Variants in CDH8 observed in about 807,000 individuals in gnomAD.
CDH8 encodes the protein cadherin-8.
Under a neutral mutation model 68.1 loss-of-function variants are expected in CDH8, and 17 were observed. The observed-to-expected ratio is 0.25, with a 90% CI of 0.17 to 0.37. The LOEUF is 0.37. Among genes scored for constraint, CDH8 ranks in the 10% least tolerant of loss-of-function variants. The pLI is 1.00. For missense variants in CDH8, 763 were observed against 999.3 expected (o/e 0.76, Z 3.19); for synonymous variants, 372 against 365.1 (o/e 1.02, Z -0.21).
Position 61,653,542 on chromosome 16 carries a change from T to C in CDH8, c.*66A>G, listed in dbSNP as rs1202424542. 2.6e-6 allele frequency: 4 copies of C among 1,525,748 alleles called. No individual in the cohort carries two copies. The highest frequency in any genetic ancestry group is 4.5e-5 in the East Asian group (2 of 44,174). The allele number at this position is 1,525,748 out of a possible 1,614,324, so 94.5% of individuals were successfully genotyped here. ...AAAACAAATAGCCACATTGGTTGTA[T>C]CTAAGGGGAGTGACCCTAGAATATT... On this transcript the variant is annotated 3_prime_UTR_variant, in exon 12 of 12. Coordinates refer to ENST00000577390, the MANE Select transcript of CDH8 (RefSeq NM_001796.5).
chr16:61,968,180 T>G (rs1302082334), intron 2 of CDH8, among the ~76,000 whole-genome samples: 1 of 152,194 alleles, frequency 6.6e-6, no homozygotes, highest in African/African-American at 2.4e-5. Flanking sequence ...TTATGCAAAT[T>G]CCTGTGATCC....
intron 3 of CDH8, among the ~76,000 whole-genome samples, chr16:61,886,321 G>A (rs771873978): frequency 1.8e-4 from 28 of 152,072 alleles, no homozygotes; most frequent in Admixed American, 5.9e-4. Flanking sequence ...TATAATCTGT[G>A]TGGATATAAA....
intron 2 of CDH8, among the ~76,000 whole-genome samples, chr16:62,018,291 C>T (rs79094707): frequency 0.013 from 1,976 of 152,278 alleles, 42 homozygotes; most frequent in African/African-American, 0.045. Flanking sequence ...AAGAACCTAT[C>T]GCTCAAAAAC....
intron 10 of CDH8, among the ~76,000 whole-genome samples, chr16:61,674,069 T>C (rs1287319944): frequency 6.6e-6 from 1 of 152,102 alleles, no homozygotes; most frequent in Non-Finnish European, 1.5e-5. Context: ...GGTTTGACTA[T>C]GTAAAGCAGA....
At chr16:62,010,387 G>A (rs1161740201) in intron 2 of CDH8, among the ~76,000 whole-genome samples, 1 of 152,116 alleles carries the variant, frequency 6.6e-6, no homozygotes, top group Non-Finnish European at 1.5e-5. Flanking sequence ...TTGCCATGGT[G>A]ACAGGAACAA....
intron 2 of CDH8, among the ~76,000 whole-genome samples, chr16:61,903,856 A>G (rs1256365294): frequency 6.6e-6 from 1 of 152,204 alleles, no homozygotes; most frequent in Non-Finnish European, 1.5e-5. Flanking sequence ...GTCATATGCA[A>G]CTATCTGAAA....
chr16:61,647,816 G>A lies in CDH8; in HGVS notation c.*5792C>T, dbSNP rs1171885140. The A allele has an allele frequency of 2.9e-6, 2 of 699,772 alleles. No homozygotes were observed. Among genetic ancestry groups the A allele is most frequent in the Non-Finnish European group, 5.2e-6 (2 of 382,930 alleles). 43.3% of individuals were successfully genotyped at this position (699,772 alleles called of 1,614,324 possible). On this transcript the variant is annotated 3_prime_UTR_variant, in exon 12 of 12. Coordinates refer to ENST00000577390, the MANE Select transcript of CDH8 (RefSeq NM_001796.5). Reference sequence around the variant, plus strand: ...GGTCCTGACCTCTGAGTTCATTGAAGCCATGGTTTTCCACAGTCTTTCTCT... The same window carrying A: ...GGTCCTGACCTCTGAGTTCATTGAAACCATGGTTTTCCACAGTCTTTCTCT...
rs1965066842 is a variant in CDH8 at position 61,959,982 on chromosome 16, G to GTGTATATATATATATATATA, written c.253-58529_253-58510dup. Among the ~76,000 whole-genome samples the GTGTATATATATATATATATA allele has an allele frequency of 9.7e-5, 3 of 31,070 alleles. 1 individual carries two copies. The highest frequency in any genetic ancestry group is 1.9e-4 in the African/African-American group (2 of 10,310). 20.4% of individuals were successfully genotyped at this position (31,070 alleles called of 152,430 possible). On this transcript the variant is annotated intron_variant, in intron 2 of 11. Transcript: ENST00000577390. ...CTGTATGTGGTGTATGTGTGTGTGT[G>GTGTATATATATATATATATA]TGTATATATATATATATATATATAT...
At chr16:61,676,417 G>T (rs1178142479) in intron 10 of CDH8, among the ~76,000 whole-genome samples, 4 of 151,870 alleles carry the variant, frequency 2.6e-5, no homozygotes, top group Admixed American at 2.6e-4. Flanking sequence ...CACTAAAAAT[G>T]ATATTAACAT....
chr16:61,918,680 C>T (rs931389135), intron 2 of CDH8: 5 of 159,354 alleles, frequency 3.1e-5, no homozygotes, highest in South Asian at 1.9e-4. Context: ...CACGGAGTCT[C>T]CCTGGTTGCT....
At chr16:61,953,214 T>C (rs959412861) in intron 2 of CDH8, among the ~76,000 whole-genome samples, 4 of 152,146 alleles carry the variant, frequency 2.6e-5, no homozygotes, top group Non-Finnish European at 4.4e-5. Context: ...CCAGGCAGCC[T>C]GAACTGAATG....
Position 61,852,881 on chromosome 16 carries a change from CCTTCCTTCCTTCCATT to C in CDH8, c.667+4222_667+4237del, listed in dbSNP as rs1295661097. On this transcript the variant is annotated intron_variant, in intron 4 of 11. Transcript: ENST00000577390. ...TCCTTCCTTCCTTCCTTCCTTCCTT[CCTTCCTTCCTTCCATT>C]CTTCCTTCCTTCCTTCCTTCCTTCC... Among the ~76,000 whole-genome samples, 48 of 134,748 alleles carry C rather than the reference CCTTCCTTCCTTCCATT, an allele frequency of 3.6e-4. 1 individual carries two copies. The highest frequency in any genetic ancestry group is 1.4e-3 in the African/African-American group (44 of 30,966). The allele number at this position is 134,748 out of a possible 152,430, so 88.4% of individuals were successfully genotyped here. A position where few individuals can be genotyped will look rare whatever the true frequency, so the allele number is the denominator to read the frequency against.
At chr16:61,743,020 A>G (rs1243872676) in intron 8 of CDH8, 1 of 152,244 alleles carries the variant, frequency 6.6e-6, no homozygotes, top group East Asian at 1.9e-4. Context: ...CTCTATCACA[A>G]TACATTTTAA....
At chr16:61,954,409 G>A (rs935189807) in intron 2 of CDH8, among the ~76,000 whole-genome samples, 5 of 151,982 alleles carry the variant, frequency 3.3e-5, no homozygotes, top group East Asian at 1.9e-4. Context: ...CTTTGTATCC[G>A]TAGAACCTAC....
chr16:61,794,717 T>C (rs900850183), intron 7 of CDH8, among the ~76,000 whole-genome samples: 2 of 152,052 alleles, frequency 1.3e-5, no homozygotes, highest in African/African-American at 4.8e-5. Flanking sequence ...GGAGAATAAA[T>C]AGGAACCGAT....
Position 61,773,283 on chromosome 16 carries a change from C to T in CDH8, c.1414+16063G>A, listed in dbSNP as rs77952726. ...AGTGGAAGAATCTCACCCTACTCCACACTACATACATGATTTTTTTGTGTG... is the reference window on the plus strand; with the variant it reads ...AGTGGAAGAATCTCACCCTACTCCATACTACATACATGATTTTTTTGTGTG... On this transcript the variant is annotated intron_variant, in intron 8 of 11. Transcript: ENST00000577390. Among the ~76,000 whole-genome samples, 211 of 152,182 alleles carry T rather than the reference C, an allele frequency of 1.4e-3. 7 individuals are homozygous for T. In the East Asian group the frequency reaches 0.035, roughly 25 times the overall value.
At chr16:61,929,693 C>T (rs889338216) in intron 2 of CDH8, among the ~76,000 whole-genome samples, 3 of 152,042 alleles carry the variant, frequency 2.0e-5, no homozygotes, top group Non-Finnish European at 4.4e-5. Context: ...TGGAGACCAG[C>T]CTGGGCAACA....
At chr16:62,008,867 C>T (rs1901734093) in intron 2 of CDH8, among the ~76,000 whole-genome samples, 1 of 151,972 alleles carries the variant, frequency 6.6e-6, no homozygotes, top group Non-Finnish European at 1.5e-5. Flanking sequence ...AATGTTCCTA[C>T]AAAGTCAAGG....
intron 2 of CDH8, among the ~76,000 whole-genome samples, chr16:61,964,508 C>A (rs979005661): frequency 3.4e-4 from 52 of 151,578 alleles, no homozygotes; most frequent in African/African-American, 1.2e-3. Flanking sequence ...AACGTGCAGG[C>A]TCCACACAAT....
Sources: gnomAD v4.1 joint callset for allele counts (sites outside exome capture counted in the v4.1 genomes callset) on GRCh38, gnomAD v4.1.1 for gene constraint, MANE v1.5 for transcripts, NCBI Gene and HGNC (gene_info 2026-07-23, HGNC 2026-07-21) for gene names.